Variants in CFAP58 observed in about 807,000 individuals in gnomAD.
CFAP58 encodes the protein cilia and flagella associated protein 58.
A neutral mutation model predicts 119.5 loss-of-function variants in CFAP58; 88 were observed. The ratio of observed to expected loss-of-function variants is 0.74; its 90% CI spans 0.62 to 0.88. The LOEUF (loss-of-function observed/expected upper bound fraction) is 0.88. Among genes scored for constraint, CFAP58 ranks in the 40% least tolerant of loss-of-function variants. The probability of loss-of-function intolerance (pLI) is 0.00; values close to 1 mark genes in which losing one functional copy is unlikely to be tolerated. For missense variants in CFAP58, 990 were observed against 1,021.2 expected (o/e 0.97, Z 0.42); for synonymous variants, 365 against 366.3 (o/e 1.00, Z 0.04).
chr10:104,368,570 A>C lies in CFAP58; in HGVS notation c.930+10A>C, dbSNP rs746839254. 6.2e-7 allele frequency: 1 copy of C among 1,613,586 alleles called. No homozygotes were observed. Among genetic ancestry groups the C allele is most frequent in the Admixed American group, 1.7e-5 (1 of 59,962 alleles). On this transcript the variant is annotated intron_variant, in intron 6 of 17. Transcript: ENST00000369704. ...GGCGTTGGAGCTCAAAGTAAACACC[A>C]AGTTACATGTCTGTTCCCTAGCTCT...
chr10:104,428,728 G>C (rs1214824631), intron 15 of CFAP58, among the ~76,000 whole-genome samples: 1 of 152,190 alleles, frequency 6.6e-6, no homozygotes, highest in Non-Finnish European at 1.5e-5. Flanking sequence ...TGCGTATGTT[G>C]ATTCACATGC....
intron 15 of CFAP58, among the ~76,000 whole-genome samples, chr10:104,424,847 G>C (rs2012717429): frequency 6.6e-6 from 1 of 152,206 alleles, no homozygotes; most frequent in South Asian, 2.1e-4. Flanking sequence ...CTTCCTCAAG[G>C]ACAAAGAGGA....
At chr10:104,361,151 A>G (rs1301098575) in intron 2 of CFAP58, among the ~76,000 whole-genome samples, 1 of 152,182 alleles carries the variant, frequency 6.6e-6, no homozygotes, top group Non-Finnish European at 1.5e-5. Flanking sequence ...ATGTTGCAAA[A>G]TTTACTGTGC....
Position 104,353,906 on chromosome 10 carries a change from G to A in CFAP58, c.9G>A (p.Glu3=). MA[E]EKGGKQVLEE... is the part of the protein sequence containing the mutation. ...CCCCAGAGAGCATCAGGATGGCTGAGGTCAGGAGTCAGCGCCCCTCTGTCG... is the reference window on the plus strand; with the variant it reads ...CCCCAGAGAGCATCAGGATGGCTGAAGTCAGGAGTCAGCGCCCCTCTGTCG... The change falls in exon 1 of 18, where the codon GAG becomes GAA. Residue 3 remains glutamate, a splice_region_variant and synonymous_variant. Transcript: ENST00000369704. 1.4e-5 allele frequency: 22 copies of A among 1,613,542 alleles called. No individual in the cohort carries two copies. Among genetic ancestry groups the A allele is most frequent in the Non-Finnish European group, 1.8e-5 (21 of 1,179,538 alleles).
At chr10:104,453,714 G>A (rs2013229516) in intron 17 of CFAP58, among the ~76,000 whole-genome samples, 1 of 149,938 alleles carries the variant, frequency 6.7e-6, no homozygotes, top group Non-Finnish European at 1.5e-5. Flanking sequence ...CCAACTGTAT[G>A]ATAACTTGTG....
intron 16 of CFAP58, among the ~76,000 whole-genome samples, chr10:104,449,534 C>G (rs746795250): frequency 2.6e-5 from 4 of 151,976 alleles, no homozygotes; most frequent in Admixed American, 1.3e-4. Flanking sequence ...TGAAGAGTCC[C>G]GAAGAACACA....
chr10:104,393,274 A>G, intron 10 of CFAP58, 55 bp from the exon 11 acceptor site: 1 of 1,525,666 alleles, frequency 6.6e-7, no homozygotes, highest in South Asian at 1.2e-5. Context: ...TTGAACTTCC[A>G]TAGGGACGAT....
chr10:104,365,673 A>T, intron 4 of CFAP58, 141 bp from the exon 5 acceptor site: 1 of 606,386 alleles, frequency 1.6e-6, no homozygotes, highest in Non-Finnish European at 2.8e-6. Context: ...GGGCTCAAGG[A>T]TGTCTGCCCT....
intron 15 of CFAP58, among the ~76,000 whole-genome samples, chr10:104,444,528 T>C (rs1350857664): frequency 1.3e-5 from 2 of 152,230 alleles, no homozygotes; most frequent in Admixed American, 1.3e-4. Context: ...TTGGCCCTTG[T>C]AGAGGATTAC....
At chr10:104,445,787 G>T (rs903079722) in intron 15 of CFAP58, among the ~76,000 whole-genome samples, 3 of 152,230 alleles carry the variant, frequency 2.0e-5, no homozygotes, top group African/African-American at 7.2e-5. Context: ...CCTCACCTAT[G>T]TGGTGAGGTG....
intron 15 of CFAP58, among the ~76,000 whole-genome samples, chr10:104,431,741 T>C (rs934746259): frequency 2.0e-5 from 3 of 152,224 alleles, no homozygotes; most frequent in African/African-American, 7.2e-5. Flanking sequence ...TGTGTATTCC[T>C]TCAGTATATT....
In CFAP58 at chr10:104,400,802, C is replaced by G. The variant is rs769048464; in HGVS notation, c.1938C>G (p.Asn646Lys). The change falls in exon 13 of 18, where the codon AAC (asparagine) becomes AAG (lysine). Residue 646 changes from asparagine (N) to lysine (K), a missense_variant. Asn to Lys is a moderately conservative substitution (Grantham distance 94). Coordinates refer to ENST00000369704, the MANE Select transcript of CFAP58 (RefSeq NM_001008723.2). ...TGAATAAAGGGGAGAGCCAGTACAA[C>G]CAGAGGTTGGAGGACATGAGAATCC... is the stretch of plus-strand genomic sequence containing the variant. ...SVLNKGESQY[N>K]QRLEDMRILR... 13 of 1,614,000 alleles carry G rather than the reference C, an allele frequency of 8.1e-6. No homozygotes were observed. Among genetic ancestry groups the G allele is most frequent in the Non-Finnish European group, 1.1e-5 (13 of 1,180,008 alleles).
intron 6 of CFAP58, among the ~76,000 whole-genome samples, chr10:104,370,654 T>A (rs1428912808): frequency 6.6e-6 from 1 of 152,128 alleles, no homozygotes; most frequent in East Asian, 1.9e-4. Context: ...TGAAACAAAA[T>A]TTTTCAGTGT....
Position 104,447,778 on chromosome 10 carries a change from G to C in CFAP58, c.2337G>C (p.Leu779=). Reference sequence around the variant, plus strand: ...CTGAGGCTGCGGAACAGCTGAAGCTGTACCGACGCACGCTGCATGACAAGA... The same window carrying C: ...CTGAGGCTGCGGAACAGCTGAAGCTCTACCGACGCACGCTGCATGACAAGA... The part of the protein sequence containing the change: ...PGPEAAEQLK[L]YRRTLHDKKQ... Residue 779 remains leucine (L), a synonymous_variant, in exon 16 of 18, where the codon CTG becomes CTC. Transcript: ENST00000369704. 6.2e-7 allele frequency: 1 copy of C among 1,614,096 alleles called. No individual in the cohort carries two copies. Among genetic ancestry groups the C allele is most frequent in the Non-Finnish European group, 8.5e-7 (1 of 1,179,962 alleles).
At chr10:104,415,210 T>A (rs1158536284) in intron 15 of CFAP58, among the ~76,000 whole-genome samples, 1 of 151,652 alleles carries the variant, frequency 6.6e-6, no homozygotes, top group East Asian at 1.9e-4. Context: ...GAGACAGAGA[T>A]TTGGGGTCTG....
At chr10:104,448,290 C>T (rs2013141372) in intron 16 of CFAP58, among the ~76,000 whole-genome samples, 1 of 152,200 alleles carries the variant, frequency 6.6e-6, no homozygotes, top group African/African-American at 2.4e-5. Context: ...GCCTTGCTTC[C>T]TGACCAGCTG....
intron 15 of CFAP58, among the ~76,000 whole-genome samples, chr10:104,427,722 CA>C (rs2012773306): frequency 6.6e-6 from 1 of 152,166 alleles, no homozygotes; most frequent in African/African-American, 2.4e-5. Context: ...CTTCATTTTT[CA>C]AAATTCTGTT....
intron 15 of CFAP58, among the ~76,000 whole-genome samples, chr10:104,416,909 G>A (rs776811486): frequency 5.9e-5 from 9 of 152,182 alleles, no homozygotes; most frequent in Non-Finnish European, 1.2e-4. Flanking sequence ...AATTTATCAT[G>A]TATAGATTGC....
intron 15 of CFAP58, among the ~76,000 whole-genome samples, chr10:104,415,178 G>C (rs987959878): frequency 1.3e-5 from 2 of 152,096 alleles, no homozygotes; most frequent in Non-Finnish European, 2.9e-5. Context: ...GTCTCAGTTT[G>C]GGTCTCTTCA....
Sources: gnomAD v4.1 joint callset for allele counts (sites outside exome capture counted in the v4.1 genomes callset) on GRCh38, gnomAD v4.1.1 for gene constraint, MANE v1.5 for transcripts, NCBI Gene and HGNC (gene_info 2026-07-23, HGNC 2026-07-21) for gene names.